The following GRM3 variants were observed in gnomAD, a reference collection of about 807,000 sequenced individuals.
GRM3 encodes the protein glutamate metabotropic receptor 3.
GRM3 carries 26 observed loss-of-function variants against 70.5 expected under a neutral mutation model. That is an observed-to-expected ratio of 0.37 (90% CI 0.27 to 0.51). The LOEUF is 0.51. Ranked by LOEUF, GRM3 falls within the 20% of genes least tolerant of loss-of-function variation. The pLI, the probability that GRM3 is intolerant of heterozygous loss-of-function variation, is 0.93. For synonymous variants in GRM3, 443 were observed against 434.9 expected (o/e 1.02, Z -0.23); for missense variants, 859 against 1,123.8 (o/e 0.76, Z 3.37).
chr7:86,702,012 T>C (rs1794956054), intron 1 of GRM3, among the ~76,000 whole-genome samples: 1 of 152,000 alleles, frequency 6.6e-6, no homozygotes, highest in Non-Finnish European at 1.5e-5. Flanking sequence ...CCAGGAAATA[T>C]CTGAGAGCCA....
intron 3 of GRM3, among the ~76,000 whole-genome samples, chr7:86,821,969 G>C (rs559046854): frequency 1.4e-5 from 2 of 145,852 alleles, no homozygotes; most frequent in African/African-American, 5.1e-5. Flanking sequence ...AACAGATTTT[G>C]TATAAAACAT....
intron 3 of GRM3, among the ~76,000 whole-genome samples, chr7:86,832,726 A>G (rs1373479913): frequency 2.0e-5 from 3 of 152,194 alleles, no homozygotes; most frequent in Admixed American, 2.0e-4. Context: ...GACTTATGAT[A>G]TCTTTAAGGT....
intron 1 of GRM3, among the ~76,000 whole-genome samples, chr7:86,746,312 T>C (rs961088393): frequency 7.3e-6 from 1 of 136,992 alleles, no homozygotes; most frequent in South Asian, 2.3e-4. Flanking sequence ...CAAAACTCAA[T>C]ATATGACTAA....
intron 1 of GRM3, among the ~76,000 whole-genome samples, chr7:86,739,842 T>G (rs1333155217): frequency 1.3e-5 from 2 of 152,206 alleles, no homozygotes; most frequent in African/African-American, 4.8e-5. Context: ...AGTAAAATAA[T>G]TAAGCCCTTT....
intron 1 of GRM3, among the ~76,000 whole-genome samples, chr7:86,720,205 G>A (rs1375753495): frequency 1.3e-5 from 2 of 151,902 alleles, no homozygotes; most frequent in Non-Finnish European, 2.9e-5. Context: ...GAATGTGAGG[G>A]ATAAAGAAAA....
chr7:86,709,209 T>C (rs1795135799), intron 1 of GRM3, among the ~76,000 whole-genome samples: 1 of 152,072 alleles, frequency 6.6e-6, no homozygotes, highest in African/African-American at 2.4e-5. Flanking sequence ...TTTGCATTCC[T>C]AAATTTTTCA....
In GRM3 at chr7:86,787,038, A is replaced by T; in HGVS notation, c.1246A>T (p.Thr416Ser). 1 of 1,613,430 alleles carries T rather than the reference A, an allele frequency of 6.2e-7. No individual in the cohort carries two copies. The highest frequency in any genetic ancestry group is 2.2e-5 in the East Asian group (1 of 44,880). Residue 416 changes from threonine to serine, a missense_variant, in exon 3 of 6, where the codon ACC (threonine) becomes TCC (serine). Transcript: ENST00000361669. ...GCAGCGCACCCTCTGTCCCAACACT[A>T]CCAAGCTTTGTGATGCTATGAAGAT... ...KMQRTLCPNT[T>S]KLCDAMKILD...
At chr7:86,735,448 G>A (rs2116297748) in intron 1 of GRM3, among the ~76,000 whole-genome samples, 1 of 152,226 alleles carries the variant, frequency 6.6e-6, no homozygotes, top group Admixed American at 6.5e-5. Context: ...TCATTATTAA[G>A]TTTGTCTACT....
At position 86,655,843 on chromosome 7, in the gene GRM3, TGTGTGTGTGG is replaced by T. The variant is rs1291407744; in HGVS notation, c.-141+10975_-141+10984del. On this transcript the variant is annotated intron_variant, in intron 1 of 5. Transcript: ENST00000361669. ...CTCTGTGTGTGTGTGTGTGTGTGTG[TGTGTGTGTGG>T]GTGGGTGGGTGTGTGTGTATGTGTG... Among the ~76,000 whole-genome samples the T allele has an allele frequency of 8.9e-4, 121 of 136,494 alleles. 1 individual carries two copies. Among genetic ancestry groups the T allele is most frequent in the South Asian group, 2.5e-3 (11 of 4,454 alleles). The allele number at this position is 136,494 out of a possible 152,430, so 89.5% of individuals were successfully genotyped here.
intron 3 of GRM3, among the ~76,000 whole-genome samples, chr7:86,821,645 G>A (rs1798122420): frequency 6.6e-6 from 1 of 152,138 alleles, no homozygotes; most frequent in Non-Finnish European, 1.5e-5. Flanking sequence ...CAGCCTTCAA[G>A]GAGCTCGCAG....
chr7:86,745,405 T>C (rs1455498631), intron 1 of GRM3, among the ~76,000 whole-genome samples: 1 of 152,058 alleles, frequency 6.6e-6, no homozygotes, highest in Non-Finnish European at 1.5e-5. Context: ...CCTCCAAATC[T>C]AGAAACATGG....
At chr7:86,795,139 T>C (rs1797517693) in intron 3 of GRM3, among the ~76,000 whole-genome samples, 1 of 152,048 alleles carries the variant, frequency 6.6e-6, no homozygotes. Context: ...AATGTATTAC[T>C]TTAACCAGCC....
At chr7:86,674,419 C>G (rs1177590382) in intron 1 of GRM3, among the ~76,000 whole-genome samples, 2 of 151,980 alleles carry the variant, frequency 1.3e-5, no homozygotes, top group Non-Finnish European at 2.9e-5. Flanking sequence ...AGTTATACAC[C>G]ATCACTTCAT....
At chr7:86,745,822 AGTT>A in intron 1 of GRM3, among the ~76,000 whole-genome samples, 1 of 152,106 alleles carries the variant, frequency 6.6e-6, no homozygotes, top group Non-Finnish European at 1.5e-5. Context: ...TTTTGTCTAA[AGTT>A]GAAGATAAAG....
In GRM3 at chr7:86,787,134, A is replaced by T; in HGVS notation, c.1324+18A>T. 6.3e-7 allele frequency: 1 copy of T among 1,577,702 alleles called. No individual in the cohort carries two copies. Among genetic ancestry groups the T allele is most frequent in the Non-Finnish European group, 8.6e-7 (1 of 1,158,468 alleles). Reference sequence around the variant, plus strand: ...CTTCACGGGTAAGCCAAGAGCCTTTAAACATCTTCTCAGATGCAAACAAGT... The same window carrying T: ...CTTCACGGGTAAGCCAAGAGCCTTTTAACATCTTCTCAGATGCAAACAAGT... On this transcript the variant is annotated intron_variant, in intron 3 of 5. Transcript: ENST00000361669.
At chr7:86,654,363 A>T (rs1029385371) in intron 1 of GRM3, among the ~76,000 whole-genome samples, 1 of 152,220 alleles carries the variant, frequency 6.6e-6, no homozygotes, top group African/African-American at 2.4e-5. Context: ...TTTAAGACTC[A>T]GGAATCTCAG....
chr7:86,750,590 T>G (rs1796206725), intron 1 of GRM3, among the ~76,000 whole-genome samples: 2 of 152,082 alleles, frequency 1.3e-5, no homozygotes, highest in Admixed American at 1.3e-4. Flanking sequence ...AAACTGGTGC[T>G]GCTAAGATGA....
Position 86,661,637 on chromosome 7 carries a change from T to C in GRM3, c.-141+16765T>C, listed in dbSNP as rs138312135. Among the ~76,000 whole-genome samples, 8 of 152,126 alleles carry C rather than the reference T, an allele frequency of 5.3e-5. No homozygotes were observed. In the East Asian group the frequency reaches 1.3e-3, roughly 26 times the overall value. On this transcript the variant is annotated intron_variant, in intron 1 of 5. Coordinates refer to ENST00000361669, the MANE Select transcript of GRM3 (RefSeq NM_000840.3). The stretch of plus-strand genomic sequence containing the variant: ...TATAATTAAAGAAGCAAAGCATTCT[T>C]GGATAATTTTTAGAAGAAAAAATTA...
intron 1 of GRM3, among the ~76,000 whole-genome samples, chr7:86,695,597 G>A (rs979939818): frequency 5.3e-5 from 8 of 152,026 alleles, no homozygotes; most frequent in African/African-American, 9.7e-5. Context: ...ATGAACTCCC[G>A]TTTACTTGCT....
Sources: allele counts gnomAD v4.1 joint callset (sites outside exome capture counted in the v4.1 genomes callset), GRCh38; gene constraint gnomAD v4.1.1; transcripts MANE v1.5; gene names NCBI Gene and HGNC (gene_info 2026-07-23, HGNC 2026-07-21).